Variants in SEMA3D observed in about 807,000 individuals in gnomAD.
SEMA3D encodes semaphorin 3D.
In SEMA3D, 84 loss-of-function variants were observed where a neutral mutation model predicts 100.1. The observed-to-expected ratio is 0.84, with a 90% CI of 0.70 to 1.01. SEMA3D has a LOEUF of 1.01. SEMA3D is among the 50% of genes least tolerant of loss of function. The pLI is 0.00. For synonymous variants in SEMA3D, 312 were observed against 320.7 expected (o/e 0.97, Z 0.29); for missense variants, 875 against 934.1 (o/e 0.94, Z 0.82).
intron 2 of SEMA3D, among the ~76,000 whole-genome samples, chr7:85,152,795 T>C (rs1790465929): frequency 6.6e-6 from 1 of 152,136 alleles, no homozygotes; most frequent in African/African-American, 2.4e-5. Flanking sequence ...TGTTATTCTA[T>C]ACAACAAATA....
At chr7:85,011,280 C>A (rs1413298427) in intron 17 of SEMA3D, among the ~76,000 whole-genome samples, 3 of 151,650 alleles carry the variant, frequency 2.0e-5, no homozygotes, top group Non-Finnish European at 2.9e-5. Context: ...AAAATGAGAA[C>A]CGAAAATTGG....
At chr7:85,177,439 A>T (rs1179612328) in intron 1 of SEMA3D, among the ~76,000 whole-genome samples, 1 of 152,180 alleles carries the variant, frequency 6.6e-6, no homozygotes, top group Admixed American at 6.5e-5. Flanking sequence ...AGATTGAAAG[A>T]GAAAAAAAGA....
chr7:85,190,852 A>G (rs1308473953), upstream of SEMA3D, among the ~76,000 whole-genome samples: 1 of 152,112 alleles, frequency 6.6e-6, no homozygotes, highest in East Asian at 1.9e-4. Context: ...ATAAACATTC[A>G]TAGTCAGAAG....
At chr7:85,031,208 T>C (rs1790538547) in intron 12 of SEMA3D, among the ~76,000 whole-genome samples, 1 of 151,986 alleles carries the variant, frequency 6.6e-6, no homozygotes, top group African/African-American at 2.4e-5. Flanking sequence ...AGTGTTTATT[T>C]AACTGAGTGA....
At chr7:85,176,540 C>G (rs780679822) in intron 1 of SEMA3D, among the ~76,000 whole-genome samples, 12 of 152,050 alleles carry the variant, frequency 7.9e-5, no homozygotes, top group Non-Finnish European at 1.8e-4. Flanking sequence ...CTCCAGTTAA[C>G]TGTGAAGCAC....
chr7:85,234,438 GC>G, the SEMA3D span, among the ~76,000 whole-genome samples: 10 of 152,166 alleles, frequency 6.6e-5, no homozygotes, highest in Admixed American at 6.5e-4. Flanking sequence ...CAGCTGTGAA[GC>G]AGAGCCATTG....
intron 1 of SEMA3D, among the ~76,000 whole-genome samples, chr7:85,176,791 TATAG>T (rs1372872426): frequency 6.9e-6 from 1 of 143,988 alleles, no homozygotes; most frequent in Non-Finnish European, 1.5e-5. Flanking sequence ...CATATATATA[TATAG>T]AGAGAGAGAG....
At chr7:85,208,708 C>T in the SEMA3D span, among the ~76,000 whole-genome samples, 2 of 152,008 alleles carry the variant, frequency 1.3e-5, no homozygotes, top group African/African-American at 2.4e-5. Flanking sequence ...TCGGATCTCT[C>T]CCTGCACTGC....
intron 3 of SEMA3D, among the ~76,000 whole-genome samples, chr7:85,109,295 T>C (rs1359095267): frequency 1.3e-5 from 2 of 152,060 alleles, no homozygotes; most frequent in East Asian, 1.9e-4. Context: ...AGCTCAAACC[T>C]ATCTTTATCT....
chr7:85,088,340 T>C (rs1788284570), intron 4 of SEMA3D, among the ~76,000 whole-genome samples: 1 of 152,156 alleles, frequency 6.6e-6, no homozygotes, highest in Non-Finnish European at 1.5e-5. Flanking sequence ...TGACTCAAGT[T>C]AGCAAGTGCA....
At chr7:85,041,953 T>C (rs1488412874) in intron 10 of SEMA3D, 3 of 496,750 alleles carry the variant, frequency 6.0e-6, no homozygotes, top group Non-Finnish European at 7.1e-6. Context: ...TTCACTTACT[T>C]TGAGGACTCT....
intron 2 of SEMA3D, chr7:85,143,305 A>G (rs1408273182): frequency 4.9e-6 from 2 of 407,860 alleles, no homozygotes; most frequent in African/African-American, 4.3e-5. Flanking sequence ...ATAAAAATAT[A>G]CAGTCATGCT....
chr7:85,048,417 T>C (rs1241450265), intron 9 of SEMA3D, among the ~76,000 whole-genome samples: 1 of 151,842 alleles, frequency 6.6e-6, no homozygotes, highest in Non-Finnish European at 1.5e-5. Flanking sequence ...TTCAGAAGTT[T>C]GAAACTATGA....
At chr7:85,222,082 A>G in the SEMA3D span, among the ~76,000 whole-genome samples, 5 of 152,080 alleles carry the variant, frequency 3.3e-5, no homozygotes, top group Non-Finnish European at 7.4e-5. Context: ...TTCTTAATAC[A>G]TATTTTTACT....
chr7:85,162,707 C>A (rs1046659071), intron 1 of SEMA3D, among the ~76,000 whole-genome samples: 1 of 151,914 alleles, frequency 6.6e-6, no homozygotes, highest in African/African-American at 2.4e-5. Flanking sequence ...TGAGGAAGAA[C>A]GTGGAAAAAG....
intron 9 of SEMA3D, among the ~76,000 whole-genome samples, chr7:85,055,185 T>C (rs1023913753): frequency 5.3e-5 from 8 of 152,134 alleles, no homozygotes; most frequent in African/African-American, 1.9e-4. Context: ...TGTAATGATA[T>C]ATAATTTTAC....
At chr7:85,159,919 G>A in intron 1 of SEMA3D, 1 of 984,946 alleles carries the variant, frequency 1.0e-6, no homozygotes, top group Non-Finnish European at 1.2e-6. Flanking sequence ...TGAAGGAAGA[G>A]AGAATGACCA....
intron 14 of SEMA3D, among the ~76,000 whole-genome samples, chr7:85,019,818 T>A (rs938508306): frequency 4.6e-4 from 70 of 151,758 alleles, no homozygotes; most frequent in African/African-American, 1.5e-3. Context: ...TATATTTTTT[T>A]AATTTCCTTA....
intron 1 of SEMA3D, among the ~76,000 whole-genome samples, chr7:85,179,426 A>G (rs144326984): frequency 1.3e-5 from 2 of 152,182 alleles, no homozygotes; most frequent in Non-Finnish European, 2.9e-5. Context: ...GATATGAGAC[A>G]TGGAGTCAAA....
Sources: allele counts gnomAD v4.1 joint callset (sites outside exome capture counted in the v4.1 genomes callset), GRCh38; gene constraint gnomAD v4.1.1; transcripts MANE v1.5; gene names NCBI Gene and HGNC (gene_info 2026-07-23, HGNC 2026-07-21).